Variants in FMN2 observed in about 807,000 individuals in gnomAD.
FMN2 encodes the protein formin-2.
A neutral mutation model predicts 142.3 loss-of-function variants in FMN2; 51 were observed. The observed-to-expected ratio is 0.36, with a 90% CI of 0.29 to 0.45. The LOEUF (loss-of-function observed/expected upper bound fraction) is 0.45, where lower values mean the gene tolerates loss of function less well. Ranked by LOEUF, FMN2 falls within the 20% of genes least tolerant of loss-of-function variation. The pLI, the probability that FMN2 is intolerant of heterozygous loss-of-function variation, is 1.00. For missense variants in FMN2, 1,936 were observed against 2,122.8 expected, an observed-to-expected ratio of 0.91 and a Z score of 1.73; for synonymous variants, 882 against 869.8, an observed-to-expected ratio of 1.01 and a Z score of -0.25.
intron 6 of FMN2, among the ~76,000 whole-genome samples, chr1:240,237,080 G>T (rs560782296): frequency 2.0e-5 from 3 of 152,138 alleles, no homozygotes; most frequent in Admixed American, 2.0e-4. Context: ...TCACATAGCT[G>T]GGAATAGTCA....
intron 7 of FMN2, among the ~76,000 whole-genome samples, chr1:240,271,029 A>G (rs1213212151): frequency 1.3e-5 from 2 of 150,392 alleles, no homozygotes; most frequent in Non-Finnish European, 3.0e-5. Flanking sequence ...ATAAATAATT[A>G]AAGCACAAGA....
chr1:240,409,697 T>C lies in FMN2; in HGVS notation c.4910+17135T>C, dbSNP rs374872467. 7.2e-5 allele frequency among the ~76,000 whole-genome samples: 11 copies of C among 152,282 alleles called. 1 individual carries two copies. In the East Asian group the frequency reaches 1.7e-3, roughly 24 times the overall value. On this transcript the variant is annotated intron_variant, in intron 15 of 17. Transcript: ENST00000319653. ...TTTGTGTAGACTCCATAAATTATCC[T>C]GTATTGTAGTATTGTAGTATTTTAA...
intron 1 of FMN2, among the ~76,000 whole-genome samples, chr1:240,112,412 G>A (rs1661847590): frequency 6.6e-6 from 1 of 151,952 alleles, no homozygotes. Context: ...TTACAGGCGT[G>A]AGCCACTGCA....
Position 240,382,264 on chromosome 1 carries a change from AC to A in FMN2, c.4859-10246del, listed in dbSNP as rs531387986. On this transcript the variant is annotated intron_variant, in intron 14 of 17. Coordinates refer to ENST00000319653, the MANE Select transcript of FMN2 (RefSeq NM_020066.5). The stretch of plus-strand genomic sequence containing the variant: ...GAAGTAAAACACCTAGGAATATTTA[AC>A]TAAGGAAGTAAAAGATCTCTGCAAG... Among the ~76,000 whole-genome samples the A allele has an allele frequency of 2.1e-4, 32 of 152,364 alleles. No individual in the cohort carries two copies. The East Asian group carries it at 5.0e-3, about 24-fold the overall frequency.
Position 240,418,201 on chromosome 1 carries a change from A to ATT in FMN2, c.4911-19845_4911-19844dup, listed in dbSNP as rs147438271. Among the ~76,000 whole-genome samples, 150 of 138,158 alleles carry ATT rather than the reference A, an allele frequency of 1.1e-3. 1 individual carries two copies. The highest frequency in any genetic ancestry group is 1.1e-3 in the Non-Finnish European group (69 of 63,792). 90.6% of individuals were successfully genotyped at this position (138,158 alleles called of 152,430 possible). A position where few individuals can be genotyped will look rare whatever the true frequency, so the allele number is the denominator to read the frequency against. ...TTTAAATTCTTTTATATTTATTATG[A>ATT]TTTTTTTTTTTTTTTTGAGATGGAG... On this transcript the variant is annotated intron_variant, in intron 15 of 17. Coordinates refer to ENST00000319653, the MANE Select transcript of FMN2 (RefSeq NM_020066.5).
At position 240,372,958 on chromosome 1, in the gene FMN2, G is replaced by A. The variant is rs531498922; in HGVS notation, c.4858+17050G>A. Among the ~76,000 whole-genome samples, 7 of 152,216 alleles carry A rather than the reference G, an allele frequency of 4.6e-5. No homozygotes were observed. In the South Asian group the frequency reaches 6.2e-4, roughly 14 times the overall value. On this transcript the variant is annotated intron_variant, in intron 14 of 17. Transcript: ENST00000319653. ...TCCCAGCACTCTGGGAGGCTGAGGC[G>A]GACAAATCATGAGGTCAGGTATACG...
rs1378386149 is a variant in FMN2 at position 240,253,775 on chromosome 1, A to G, written c.4066-4170A>G. ...GGGGAGGACTTTTTCCTGAAGATGT[A>G]TCTGTGGTGTTGGTTTGATGTAGCA... On this transcript the variant is annotated intron_variant, in intron 6 of 17. Coordinates refer to ENST00000319653, the MANE Select transcript of FMN2 (RefSeq NM_020066.5). 2.0e-5 allele frequency among the ~76,000 whole-genome samples: 3 copies of G among 152,268 alleles called. No homozygotes were observed. The East Asian group carries it at 5.8e-4, about 29-fold the overall frequency.
intron 2 of FMN2, chr1:240,144,914 CATG>C (rs1253610304): frequency 3.7e-6 from 5 of 1,354,606 alleles, no homozygotes; most frequent in Non-Finnish European, 5.3e-6. Flanking sequence ...CTCATGACTC[CATG>C]ATGCCAATTC....
At chr1:240,123,374 G>A in intron 2 of FMN2, 29 bp downstream of exon 2, 1 of 1,599,612 alleles carries the variant, frequency 6.3e-7, no homozygotes, top group African/African-American at 1.3e-5. Context: ...TTCTGTCCGT[G>A]AGGCAGATTT....
At chr1:240,248,408 C>A (rs1172195413) in intron 6 of FMN2, among the ~76,000 whole-genome samples, 1 of 140,306 alleles carries the variant, frequency 7.1e-6, no homozygotes, top group Non-Finnish European at 1.5e-5. Context: ...TTATTGGATA[C>A]ATTATAGTAC....
chr1:240,173,812 G>A (rs910691851), intron 2 of FMN2, among the ~76,000 whole-genome samples: 8 of 152,168 alleles, frequency 5.3e-5, no homozygotes, highest in African/African-American at 1.9e-4. Flanking sequence ...AAGACAGGGG[G>A]ACTGACCAGA....
intron 15 of FMN2, among the ~76,000 whole-genome samples, chr1:240,414,591 G>T (rs1290826185): frequency 3.3e-5 from 5 of 152,064 alleles, no homozygotes; most frequent in Admixed American, 1.3e-4. Context: ...TTTTCTTATC[G>T]TGTTTCTGCC....
intron 13 of FMN2, among the ~76,000 whole-genome samples, chr1:240,337,285 T>A (rs113087525): frequency 0.18 from 26,758 of 147,738 alleles, 3,088 homozygotes; most frequent in African/African-American, 0.32. Flanking sequence ...CTCGGCTCAC[T>A]GCAGCCTCTG....
chr1:240,272,702 C>T (rs925493670), intron 7 of FMN2, among the ~76,000 whole-genome samples: 1 of 152,142 alleles, frequency 6.6e-6, no homozygotes, highest in Non-Finnish European at 1.5e-5. Flanking sequence ...ATAGTCCTTC[C>T]TCTCAGCTCA....
intron 14 of FMN2, among the ~76,000 whole-genome samples, chr1:240,373,591 T>C (rs1300221804): frequency 6.6e-6 from 1 of 152,186 alleles, no homozygotes; most frequent in Non-Finnish European, 1.5e-5. Context: ...CCTTTGGTCA[T>C]TCATAAGAAG....
At chr1:240,317,731 C>T (rs951148684) in intron 8 of FMN2, among the ~76,000 whole-genome samples, 5 of 152,000 alleles carry the variant, frequency 3.3e-5, no homozygotes, top group African/African-American at 1.2e-4. Flanking sequence ...TTTTGCATGT[C>T]GACTTAAGTT....
chr1:240,143,796 C>T (rs1372220115), intron 2 of FMN2: 2 of 1,511,464 alleles, frequency 1.3e-6, no homozygotes, highest in African/African-American at 2.8e-5. Flanking sequence ...TTGCAGGACC[C>T]CACTGCTATC....
intron 3 of FMN2, among the ~76,000 whole-genome samples, chr1:240,184,253 T>G (rs906608418): frequency 7.1e-6 from 1 of 141,604 alleles, no homozygotes; most frequent in Non-Finnish European, 1.5e-5. Flanking sequence ...TTTTTTTTTT[T>G]TTTTTTTGAG....
intron 7 of FMN2, among the ~76,000 whole-genome samples, chr1:240,283,577 A>C (rs1446155104): frequency 6.6e-6 from 1 of 152,206 alleles, no homozygotes; most frequent in Non-Finnish European, 1.5e-5. Context: ...GTTGTCTGCT[A>C]TATGCAGGAC....
Sources: gnomAD v4.1 joint callset for allele counts (sites outside exome capture counted in the v4.1 genomes callset) on GRCh38, gnomAD v4.1.1 for gene constraint, MANE v1.5 for transcripts, NCBI Gene and HGNC (gene_info 2026-07-23, HGNC 2026-07-21) for gene names.